GPC5: variants seen among roughly 807,000 people sequenced by gnomAD.
GPC5 encodes the protein glypican 5.
GPC5 carries 47 observed loss-of-function variants against 53.9 expected under a neutral mutation model. That is an observed-to-expected ratio of 0.87 (90% confidence interval 0.69 to 1.11). The LOEUF is 1.11. Among genes scored for constraint, GPC5 ranks in the 50% most tolerant of loss-of-function variants. The pLI is 0.00. For synonymous variants in GPC5, 286 were observed against 263.3 expected (o/e 1.09, Z -0.84); for missense variants, 748 against 713.1 (o/e 1.05, Z -0.56).
chr13:92,840,802 T>C (rs1229153503), intron 7 of GPC5, among the ~76,000 whole-genome samples: 4 of 152,138 alleles, frequency 2.6e-5, no homozygotes, highest in African/African-American at 9.6e-5. Flanking sequence ...TAGTTTTCAG[T>C]GTACAAGTCT....
intron 5 of GPC5, among the ~76,000 whole-genome samples, chr13:91,812,827 G>A (rs1468082213): frequency 6.6e-6 from 1 of 152,098 alleles, no homozygotes. Context: ...CAGAAATGAA[G>A]ACAACATTTG....
chr13:92,267,411 C>T (rs1200696023), intron 7 of GPC5, among the ~76,000 whole-genome samples: 3 of 152,172 alleles, frequency 2.0e-5, no homozygotes, highest in African/African-American at 7.2e-5. Flanking sequence ...ACTCAGCAGC[C>T]CTCTACAATA....
intron 2 of GPC5, among the ~76,000 whole-genome samples, chr13:91,517,407 CAT>C (rs1477074320): frequency 6.6e-6 from 1 of 152,166 alleles, no homozygotes; most frequent in Non-Finnish European, 1.5e-5. Context: ...TTTGCTAAAA[CAT>C]AACAAGAATC....
chr13:92,612,534 C>T (rs1280095228), intron 7 of GPC5, among the ~76,000 whole-genome samples: 1 of 151,998 alleles, frequency 6.6e-6, no homozygotes, highest in African/African-American at 2.4e-5. Context: ...CATCACAAAA[C>T]TTGTTTTTGA....
intron 5 of GPC5, among the ~76,000 whole-genome samples, chr13:91,852,244 A>G (rs1387294056): frequency 6.6e-6 from 1 of 151,078 alleles, no homozygotes; most frequent in Admixed American, 6.6e-5. Context: ...TTTTAATTAT[A>G]TTTTTATGTT....
intron 7 of GPC5, among the ~76,000 whole-genome samples, chr13:92,596,646 G>A (rs1883892428): frequency 6.6e-6 from 1 of 151,948 alleles, no homozygotes; most frequent in African/African-American, 2.4e-5. Flanking sequence ...GCTGATTTTT[G>A]TATTGTTAGT....
At chr13:92,315,221 C>G (rs952533547) in intron 7 of GPC5, among the ~76,000 whole-genome samples, 1 of 152,144 alleles carries the variant, frequency 6.6e-6, no homozygotes, top group Non-Finnish European at 1.5e-5. Flanking sequence ...CTGGGAAGTT[C>G]TGGAATAATC....
chr13:91,477,668 T>A (rs974386906), intron 2 of GPC5, among the ~76,000 whole-genome samples: 2 of 152,046 alleles, frequency 1.3e-5, no homozygotes, highest in Non-Finnish European at 2.9e-5. Context: ...GGATTCCTAG[T>A]GGTAAAAGTG....
chr13:91,604,371 G>C (rs1399458436), intron 2 of GPC5, among the ~76,000 whole-genome samples: 1 of 151,100 alleles, frequency 6.6e-6, no homozygotes, highest in Non-Finnish European at 1.5e-5. Flanking sequence ...ATTTGGGTTG[G>C]TTCCAAGTCT....
At chr13:92,219,606 G>T (rs1376359877) in intron 7 of GPC5, among the ~76,000 whole-genome samples, 1 of 151,924 alleles carries the variant, frequency 6.6e-6, no homozygotes, top group African/African-American at 2.4e-5. Flanking sequence ...TCTCTCATTT[G>T]TCCCCTCCCT....
At chr13:92,640,910 G>A (rs1885574589) in intron 7 of GPC5, among the ~76,000 whole-genome samples, 1 of 151,600 alleles carries the variant, frequency 6.6e-6, no homozygotes, top group Non-Finnish European at 1.5e-5. Flanking sequence ...ATAAGCAGAG[G>A]GGAAATAGAA....
chr13:91,945,256 C>A (rs190051231), intron 6 of GPC5, among the ~76,000 whole-genome samples: 3 of 152,046 alleles, frequency 2.0e-5, no homozygotes, highest in African/African-American at 7.2e-5. Flanking sequence ...GGGTTCAGTC[C>A]CCCTTGTTCT....
chr13:91,761,447 C>A (rs2037410036), intron 5 of GPC5, among the ~76,000 whole-genome samples: 1 of 152,048 alleles, frequency 6.6e-6, no homozygotes, highest in Admixed American at 6.5e-5. Context: ...CCTGGAGATC[C>A]CACAGGCTGG....
intron 2 of GPC5, among the ~76,000 whole-genome samples, chr13:91,603,925 T>C (rs2033264661): frequency 6.6e-6 from 1 of 151,588 alleles, no homozygotes; most frequent in Non-Finnish European, 1.5e-5. Flanking sequence ...CTAGTAGTAT[T>C]TTTTTTTCCT....
intron 7 of GPC5, among the ~76,000 whole-genome samples, chr13:92,549,340 G>A (rs1882231055): frequency 6.6e-6 from 1 of 151,908 alleles, no homozygotes; most frequent in Non-Finnish European, 1.5e-5. Flanking sequence ...TTATTTTTCT[G>A]ACGCTGCAGG....
At chr13:91,490,168 G>A (rs1026512472) in intron 2 of GPC5, among the ~76,000 whole-genome samples, 6 of 152,304 alleles carry the variant, frequency 3.9e-5, no homozygotes, top group Admixed American at 3.3e-4. Context: ...GAGGGGATGG[G>A]TTGGGGTCAG....
chr13:91,735,663 T>TTTTCTGAACTCTG (rs2036798590), intron 4 of GPC5, among the ~76,000 whole-genome samples: 1 of 151,402 alleles, frequency 6.6e-6, no homozygotes, highest in Admixed American at 6.6e-5. Flanking sequence ...AAATGGCTAT[T>TTTTCTGAACTCTG]TTTCTGAACT....
intron 4 of GPC5, among the ~76,000 whole-genome samples, chr13:91,746,620 G>T (rs1274390338): frequency 6.6e-6 from 1 of 152,106 alleles, no homozygotes; most frequent in Non-Finnish European, 1.5e-5. Flanking sequence ...TTCTAGCAAG[G>T]TCTAATTAAA....
chr13:92,632,485 T>TATATATATGC (rs138355646), intron 7 of GPC5, among the ~76,000 whole-genome samples: 1 of 137,652 alleles, frequency 7.3e-6, no homozygotes, highest in Non-Finnish European at 1.5e-5. Context: ...TATATATATA[T>TATATATATGC]ACACATATAT....
Sources: allele counts gnomAD v4.1 joint callset (sites outside exome capture counted in the v4.1 genomes callset), GRCh38; gene constraint gnomAD v4.1.1; transcripts MANE v1.5; gene names NCBI Gene and HGNC (gene_info 2026-07-23, HGNC 2026-07-21).